Variants in SIGLEC1 observed in about 807,000 individuals in gnomAD.
The protein encoded by SIGLEC1 is sialoadhesin.
In SIGLEC1, 132 loss-of-function variants were observed where a neutral mutation model predicts 148.0. The ratio of observed to expected loss-of-function variants is 0.89; its 90% confidence interval spans 0.77 to 1.03. The LOEUF (loss-of-function observed/expected upper bound fraction) is 1.03, where lower values mean the gene tolerates loss of function less well. Among genes scored for constraint, SIGLEC1 ranks in the 50% least tolerant of loss-of-function variants. The probability of loss-of-function intolerance (pLI) is 0.00; values close to 1 mark genes in which losing one functional copy is unlikely to be tolerated. For synonymous variants in SIGLEC1, 945 were observed against 969.0 expected, an observed-to-expected ratio of 0.98 and a Z score of 0.46; for missense variants, 2,253 against 2,271.4, an observed-to-expected ratio of 0.99 and a Z score of 0.16.
At chr20:3,702,127 A>T (rs1234559197) in intron 6 of SIGLEC1, among the ~76,000 whole-genome samples, 5 of 152,206 alleles carry the variant, frequency 3.3e-5, no homozygotes. Flanking sequence ...CAAGAATGAC[A>T]AGGAAAGACT....
At chr20:3,706,732 GA>G in intron 2 of SIGLEC1, 26 bp from the exon 3 acceptor site, 1 of 1,519,368 alleles carries the variant, frequency 6.6e-7, no homozygotes, top group Non-Finnish European at 8.9e-7. Flanking sequence ...CAGGGGGACA[GA>G]GGGGAGGGTG....
intron 6 of SIGLEC1, among the ~76,000 whole-genome samples, chr20:3,702,755 A>C (rs1477856055): frequency 6.6e-6 from 1 of 152,198 alleles, no homozygotes; most frequent in Non-Finnish European, 1.5e-5. Context: ...ATGCATATGT[A>C]TATAGAGTGT....
In SIGLEC1 at chr20:3,697,933, T is replaced by G; in HGVS notation, c.1987A>C (p.Met663Leu). Reference sequence around the variant, plus strand: ...AAGTTGGGGGCTTTGGTGACCTTCATGCGTGGGGAACAGCCCCCACAGGTG... The same window carrying G: ...AAGTTGGGGGCTTTGGTGACCTTCAGGCGTGGGGAACAGCCCCCACAGGTG... Reference protein sequence around the residue: ...CSTCGGCSPRMKVTKAPNLLR... With the variant: ...CSTCGGCSPRLKVTKAPNLLR... The change falls in exon 9 of 22, where the codon ATG becomes CTG. Residue 663 changes from methionine to leucine, a missense_variant. By Grantham distance (15) the Met-to-Leu change is conservative. Transcript: ENST00000344754. 2 of 1,612,960 alleles carry G rather than the reference T, an allele frequency of 1.2e-6. No individual in the cohort carries two copies. The highest frequency in any genetic ancestry group is 1.7e-6 in the Non-Finnish European group (2 of 1,179,914).
In SIGLEC1 at chr20:3,699,200, A is replaced by G. The variant is rs1378555486; in HGVS notation, c.1786+2T>C. 1.2e-6 allele frequency: 2 copies of G among 1,608,010 alleles called. No individual in the cohort carries two copies. The highest frequency in any genetic ancestry group is 1.7e-6 in the Non-Finnish European group (2 of 1,178,550). ...AGGCTGCAACAGGTGGTGGCTGCTCACAGAGCACAGTGAGAACAGCTGGCG... is the reference window on the plus strand; with the variant it reads ...AGGCTGCAACAGGTGGTGGCTGCTCGCAGAGCACAGTGAGAACAGCTGGCG... On this transcript the variant is annotated splice_donor_variant, in intron 8 of 21. Transcript: ENST00000344754. LOFTEE classifies it high-confidence loss of function.
Position 3,692,846 on chromosome 20 carries a change from C to T in SIGLEC1, c.3778+16G>A. The T allele has an allele frequency of 1.2e-6, 2 of 1,605,572 alleles. No homozygotes were observed. Among genetic ancestry groups the T allele is most frequent in the South Asian group, 2.2e-5 (2 of 90,462 alleles). On this transcript the variant is annotated intron_variant, in intron 15 of 21. Coordinates refer to ENST00000344754, the MANE Select transcript of SIGLEC1 (RefSeq NM_023068.4). Reference sequence around the variant, plus strand: ...GGGCTTCCATCCCAGTGGGCTTGGCCTAGGCCCTGCCTTACCCTCCAGCCG... The same window carrying T: ...GGGCTTCCATCCCAGTGGGCTTGGCTTAGGCCCTGCCTTACCCTCCAGCCG...
At chr20:3,689,072 C>G (rs1002687770) in intron 21 of SIGLEC1, 83 bp downstream of exon 21, 3 of 1,228,876 alleles carry the variant, frequency 2.4e-6, no homozygotes, top group Non-Finnish European at 3.6e-6. Flanking sequence ...GCACCATCCT[C>G]TAAATGACAG....
Position 3,693,699 on chromosome 20 carries a change from C to T in SIGLEC1, c.3257-1G>A. On this transcript the variant is annotated splice_acceptor_variant, in intron 13 of 21. Coordinates refer to ENST00000344754, the MANE Select transcript of SIGLEC1 (RefSeq NM_023068.4). LOFTEE classifies it high-confidence loss of function. ...CCGGGCCACACCTGCACATTCACAGCTGGGGAGAGGGAGGGCACAGGACAC... is the reference window on the plus strand; with the variant it reads ...CCGGGCCACACCTGCACATTCACAGTTGGGGAGAGGGAGGGCACAGGACAC... 6.4e-7 allele frequency: 1 copy of T among 1,572,912 alleles called. No individual in the cohort carries two copies. Among genetic ancestry groups the T allele is most frequent in the Non-Finnish European group, 8.6e-7 (1 of 1,156,502 alleles).
intron 18 of SIGLEC1, 92 bp downstream of exon 18, chr20:3,691,248 C>G (rs984260769): frequency 1.3e-6 from 2 of 1,496,910 alleles, no homozygotes; most frequent in African/African-American, 1.4e-5. Context: ...ATCCGTGAAG[C>G]CTTCACTCTT....
At chr20:3,695,062 C>T in intron 11 of SIGLEC1, 139 bp from the exon 12 acceptor site, 3 of 831,846 alleles carry the variant, frequency 3.6e-6, no homozygotes, top group Non-Finnish European at 5.5e-6. Flanking sequence ...ACCGCCAGGG[C>T]CCACTCAGCC....
Position 3,696,660 on chromosome 20 carries a change from T to C in SIGLEC1, c.2609A>G (p.Asp870Gly). ...GGCCTCACAGCGGTAGCTGCCAGAGTCCCCAAGGCCCAGTTCTCGGACCTC... is the reference window on the plus strand; with the variant it reads ...GGCCTCACAGCGGTAGCTGCCAGAGCCCCCAAGGCCCAGTTCTCGGACCTC... ...KLEVRELGLG[D>G]SGSYRCEATN... The change falls in exon 11 of 22, where the codon GAC (aspartate) becomes GGC (glycine). Residue 870 changes from aspartate (D) to glycine (G), a missense_variant. Asp to Gly is a moderately conservative substitution (Grantham distance 94). Transcript: ENST00000344754. 6.2e-7 allele frequency: 1 copy of C among 1,613,616 alleles called. No homozygotes were observed. Among genetic ancestry groups the C allele is most frequent in the Non-Finnish European group, 8.5e-7 (1 of 1,179,952 alleles).
rs747650127 is a variant in SIGLEC1, at chr20:3,699,318, C to A, written c.1670G>T (p.Gly557Val). 1.9e-6 allele frequency: 3 copies of A among 1,608,668 alleles called. No individual in the cohort carries two copies. The South Asian group carries it at 3.3e-5, about 18-fold the overall frequency. The change falls in exon 8 of 22, where the codon GGC (glycine) becomes GTC (valine). Residue 557 changes from glycine (G) to valine (V), a missense_variant. Gly to Val is a moderately radical substitution (Grantham distance 109). Transcript: ENST00000344754. ...GGCCGCGGGGAGCAGGAGGCTGCTG[C>A]CGGGACCCTCGTGAAGCAGGGCTCC... ...LNGALLHEGP[G>V]SSLLLPAASS...
At chr20:3,697,416 A>T in intron 9 of SIGLEC1, 74 bp from the exon 10 acceptor site, 1 of 1,574,228 alleles carries the variant, frequency 6.4e-7, no homozygotes, top group Admixed American at 1.7e-5. Flanking sequence ...CCCAGCCTGG[A>T]AGGAGCAGGA....
chr20:3,697,767 C>T (rs766398180), intron 9 of SIGLEC1, 31 bp downstream of exon 9: 3 of 1,601,956 alleles, frequency 1.9e-6, no homozygotes, highest in South Asian at 2.2e-5. Context: ...CAGCCCCTGC[C>T]CCCAGGCCAC....
At chr20:3,689,911 A>C in intron 19 of SIGLEC1, 51 bp downstream of exon 19, 1 of 1,497,310 alleles carries the variant, frequency 6.7e-7, no homozygotes, top group South Asian at 1.2e-5. Context: ...TGGGCCTAAG[A>C]GCTGGGCTTT....
intron 19 of SIGLEC1, 34 bp downstream of exon 19, chr20:3,689,928 G>T: frequency 6.4e-7 from 1 of 1,567,054 alleles, no homozygotes; most frequent in Non-Finnish European, 8.7e-7. Context: ...CTTTTGTGCA[G>T]AGTGGCCTGG....
Position 3,701,543 on chromosome 20 carries a change from G to A in SIGLEC1, c.1327C>T (p.Leu443=), listed in dbSNP as rs769082209. The A allele has an allele frequency of 3.7e-6, 6 of 1,613,752 alleles. No individual in the cohort carries two copies. The South Asian group carries it at 6.6e-5, about 18-fold the overall frequency. The part of the protein sequence containing the change: ...CSVVSEPLAT[L]VLSHGGHILA... ...ATATGACCCCCATGTGACAGCACCA[G>A]TGTGGCCAGGGGCTCACTGACCACA... The change falls in exon 7 of 22, where the codon CTG becomes TTG. Residue 443 remains leucine (L), a synonymous_variant. Coordinates refer to ENST00000344754, the MANE Select transcript of SIGLEC1 (RefSeq NM_023068.4).
In SIGLEC1 at chr20:3,690,333, C is replaced by T. The variant is rs2088746182; in HGVS notation, c.4592-69G>A. 4.6e-6 allele frequency: 6 copies of T among 1,302,572 alleles called. No homozygotes were observed. The East Asian group carries it at 1.5e-4, about 33-fold the overall frequency. 80.7% of individuals were successfully genotyped at this position (1,302,572 alleles called of 1,614,324 possible). A position where few individuals can be genotyped will look rare whatever the true frequency, so the allele number is the denominator to read the frequency against. ...AAATTTCTCCCTCCCTGTACCCATG[C>T]ACAGTGACTTTGCTGCTCCTCCCAT... is the stretch of plus-strand genomic sequence containing the variant. On this transcript the variant is annotated intron_variant, in intron 18 of 21. Transcript: ENST00000344754.
chr20:3,706,986 C>A (rs1383665525), intron 2 of SIGLEC1, 94 bp downstream of exon 2: 1 of 1,387,338 alleles, frequency 7.2e-7, no homozygotes, highest in Non-Finnish European at 1.0e-6. Context: ...ACCTCAGCAA[C>A]CAAACATGTG....
intron 14 of SIGLEC1, 132 bp downstream of exon 14, chr20:3,693,315 C>T (rs2088784905): frequency 4.9e-6 from 6 of 1,219,056 alleles, no homozygotes; most frequent in African/African-American, 3.0e-5. Flanking sequence ...TCTTAATGCT[C>T]CTTGCCCAGT....
Sources: allele counts gnomAD v4.1 joint callset (sites outside exome capture counted in the v4.1 genomes callset), GRCh38; gene constraint gnomAD v4.1.1; transcripts MANE v1.5; gene names NCBI Gene and HGNC (gene_info 2026-07-23, HGNC 2026-07-21).